The following BTBD9 variants were observed in gnomAD, a reference collection of about 807,000 sequenced individuals.
The protein encoded by BTBD9 is BTB/POZ domain-containing protein 9.
A neutral mutation model predicts 64.3 loss-of-function variants in BTBD9; 49 were observed. The ratio of observed to expected loss-of-function variants is 0.76; its 90% CI spans 0.61 to 0.97. The LOEUF (loss-of-function observed/expected upper bound fraction) is 0.97. BTBD9 is among the 50% of genes least tolerant of loss of function. The probability of loss-of-function intolerance (pLI) is 0.00; values close to 1 mark genes in which losing one functional copy is unlikely to be tolerated. For missense variants in BTBD9, 598 were observed against 762.1 expected, an observed-to-expected ratio of 0.78 and a Z score of 2.53; for synonymous variants, 260 against 274.7, an observed-to-expected ratio of 0.95 and a Z score of 0.53.
At chr6:38,629,560 A>G (rs1778290380) in intron 1 of BTBD9, among the ~76,000 whole-genome samples, 1 of 152,270 alleles carries the variant, frequency 6.6e-6, no homozygotes, top group Non-Finnish European at 1.5e-5. Context: ...ACGGTGGCTC[A>G]TGCCTGTAAT....
chr6:38,538,535 T>C (rs1421572506), intron 6 of BTBD9, among the ~76,000 whole-genome samples: 1 of 152,194 alleles, frequency 6.6e-6, no homozygotes, highest in African/African-American at 2.4e-5. Flanking sequence ...ATTTCTTATA[T>C]GTAAGCAGGA....
chr6:38,277,576 C>T (rs1445695243), intron 8 of BTBD9, among the ~76,000 whole-genome samples: 2 of 152,110 alleles, frequency 1.3e-5, no homozygotes, highest in African/African-American at 2.4e-5. Flanking sequence ...TCAGGTGATC[C>T]GCCTGCCTTG....
At chr6:38,430,245 G>T (rs1394315165) in intron 6 of BTBD9, among the ~76,000 whole-genome samples, 4 of 151,416 alleles carry the variant, frequency 2.6e-5, no homozygotes, top group Non-Finnish European at 4.4e-5. Flanking sequence ...TTAGAAATAG[G>T]TTCTCCCTCT....
intron 10 of BTBD9, among the ~76,000 whole-genome samples, chr6:38,181,600 T>G (rs1445862073): frequency 6.6e-6 from 1 of 152,220 alleles, no homozygotes; most frequent in African/African-American, 2.4e-5. Flanking sequence ...GTTTTGTTTT[T>G]GTTCTTTAAA....
chr6:38,605,347 C>A (rs771957443), intron 1 of BTBD9, among the ~76,000 whole-genome samples: 21 of 152,152 alleles, frequency 1.4e-4, no homozygotes, highest in Non-Finnish European at 2.5e-4. Flanking sequence ...CATACCCAGC[C>A]AGCTTTACTA....
chr6:38,296,286 C>T (rs1190395904), intron 7 of BTBD9, among the ~76,000 whole-genome samples: 1 of 152,056 alleles, frequency 6.6e-6, no homozygotes, highest in Non-Finnish European at 1.5e-5. Flanking sequence ...TACTGGCATA[C>T]AATATTTCAC....
intron 6 of BTBD9, among the ~76,000 whole-genome samples, chr6:38,426,216 G>A (rs573465909): frequency 2.0e-5 from 3 of 151,836 alleles, no homozygotes; most frequent in East Asian, 1.9e-4. Flanking sequence ...TGGGAAGGCC[G>A]CATCCACCTT....
At chr6:38,369,484 T>C (rs1288872766) in intron 6 of BTBD9, among the ~76,000 whole-genome samples, 2 of 152,196 alleles carry the variant, frequency 1.3e-5, no homozygotes, top group African/African-American at 4.8e-5. Flanking sequence ...CAGTTCACTC[T>C]AGACGTTGTG....
chr6:38,579,713 T>A (rs1776203933), intron 5 of BTBD9, among the ~76,000 whole-genome samples: 1 of 152,262 alleles, frequency 6.6e-6, no homozygotes, highest in Non-Finnish European at 1.5e-5. Flanking sequence ...GTAAATAATG[T>A]TAACTCATGG....
intron 6 of BTBD9, among the ~76,000 whole-genome samples, chr6:38,388,371 G>A (rs1766273676): frequency 6.6e-6 from 1 of 152,146 alleles, no homozygotes; most frequent in African/African-American, 2.4e-5. Flanking sequence ...ATTAGGGGCT[G>A]TTTTGTTCTG....
intron 6 of BTBD9, among the ~76,000 whole-genome samples, chr6:38,402,639 C>G (rs1270135511): frequency 1.3e-5 from 2 of 152,138 alleles, no homozygotes. Context: ...TAGACTCTTG[C>G]CTCACACTGT....
chr6:38,448,547 T>A (rs1284501340), intron 6 of BTBD9, among the ~76,000 whole-genome samples: 1 of 152,182 alleles, frequency 6.6e-6, no homozygotes, highest in Non-Finnish European at 1.5e-5. Context: ...AGTCTCGCTT[T>A]GTCTCTGCAC....
chr6:38,326,974 A>G (rs1482452830), intron 7 of BTBD9, among the ~76,000 whole-genome samples: 1 of 152,134 alleles, frequency 6.6e-6, no homozygotes, highest in Non-Finnish European at 1.5e-5. Flanking sequence ...TCACTTTTAC[A>G]TTCGGCTTTA....
intron 6 of BTBD9, among the ~76,000 whole-genome samples, chr6:38,440,178 T>G (rs1361526080): frequency 6.6e-6 from 1 of 152,116 alleles, no homozygotes; most frequent in African/African-American, 2.4e-5. Context: ...GAGACTTGAT[T>G]GAGGTCACCA....
At position 38,603,328 on chromosome 6, in the gene BTBD9, T is replaced by G. The variant is rs1443960369; in HGVS notation, c.-27-5207A>C. On this transcript the variant is annotated intron_variant, in intron 1 of 10. Coordinates refer to ENST00000481247, the MANE Select transcript of BTBD9 (RefSeq NM_001099272.2). ...GCTAGTTAACTTTCATGAATTCAAA[T>G]GCACTAAAAATCAAAAATGACTAAA... Among the ~76,000 whole-genome samples the G allele has an allele frequency of 2.0e-5, 3 of 152,364 alleles. No homozygotes were observed. In the South Asian group the frequency reaches 6.2e-4, roughly 32 times the overall value.
Position 38,618,649 on chromosome 6 carries a change from G to A in BTBD9, c.-27-20528C>T, listed in dbSNP as rs576722994. On this transcript the variant is annotated intron_variant, in intron 1 of 10. Transcript: ENST00000481247. ...GGAATTTGGCCCAACCCAGGTGCAT[G>A]TCCCCTTTTCTCTCTCTGATTTAAA... Among the ~76,000 whole-genome samples, 5 of 152,310 alleles carry A rather than the reference G, an allele frequency of 3.3e-5. No individual in the cohort carries two copies. In the South Asian group the frequency reaches 6.2e-4, roughly 19 times the overall value.
chr6:38,589,991 C>G (rs1191674656), intron 4 of BTBD9, among the ~76,000 whole-genome samples: 1 of 152,230 alleles, frequency 6.6e-6, no homozygotes, highest in Non-Finnish European at 1.5e-5. Context: ...GGTTTCAACT[C>G]TTTTATCACC....
At chr6:38,537,188 T>C (rs911732131) in intron 6 of BTBD9, among the ~76,000 whole-genome samples, 12 of 152,146 alleles carry the variant, frequency 7.9e-5, no homozygotes, top group African/African-American at 2.2e-4. Context: ...GTTTTGTGTA[T>C]AGAGAATTAT....
intron 9 of BTBD9, among the ~76,000 whole-genome samples, chr6:38,215,502 G>A (rs992553039): frequency 1.3e-5 from 2 of 152,192 alleles, no homozygotes; most frequent in African/African-American, 4.8e-5. Context: ...TGAAGGCCCT[G>A]TTAGCGCTGG....
Sources: gnomAD v4.1 joint callset for allele counts (sites outside exome capture counted in the v4.1 genomes callset) on GRCh38, gnomAD v4.1.1 for gene constraint, MANE v1.5 for transcripts, NCBI Gene and HGNC (gene_info 2026-07-23, HGNC 2026-07-21) for gene names.